Variants in FXR1 observed in about 807,000 individuals in gnomAD.
The protein encoded by FXR1 is RNA-binding protein FXR1.
In FXR1, 15 loss-of-function variants were observed where a neutral mutation model predicts 84.0. The ratio of observed to expected loss-of-function variants is 0.18; its 90% CI spans 0.12 to 0.27. The LOEUF (loss-of-function observed/expected upper bound fraction) is 0.27, where lower values mean the gene tolerates loss of function less well. Among genes scored for constraint, FXR1 ranks in the 10% least tolerant of loss-of-function variants. The pLI is 1.00. For missense variants in FXR1, 480 were observed against 774.4 expected (o/e 0.62, Z 4.51); for synonymous variants, 245 against 250.7 (o/e 0.98, Z 0.21).
At chr3:180,959,660 C>A (rs1711836047) in intron 10 of FXR1, among the ~76,000 whole-genome samples, 2 of 149,218 alleles carry the variant, frequency 1.3e-5, no homozygotes, top group Admixed American at 1.3e-4. Flanking sequence ...CCTTTTTATT[C>A]ACTTTGAATG....
At chr3:180,963,124 ATAG>A (rs1712348521) in intron 13 of FXR1, 34 bp downstream of exon 13, 2 of 782,988 alleles carry the variant, frequency 2.6e-6, no homozygotes, top group South Asian at 3.1e-5. Flanking sequence ...TTTTTTGGTA[ATAG>A]TAATAATAGT....
intron 15 of FXR1, chr3:180,971,504 C>A (rs1483127281): frequency 6.6e-6 from 1 of 152,484 alleles, no homozygotes; most frequent in Non-Finnish European, 1.5e-5. Context: ...GGTTGATTGG[C>A]AAAACTGGGC....
chr3:180,964,064 A>G (rs976978803), intron 13 of FXR1, among the ~76,000 whole-genome samples: 1 of 152,172 alleles, frequency 6.6e-6, no homozygotes, highest in African/African-American at 2.4e-5. Context: ...ACTATCTTCA[A>G]TTTGTTGTAG....
At chr3:180,924,879 A>T (rs138168051) in intron 1 of FXR1, among the ~76,000 whole-genome samples, 39 of 152,364 alleles carry the variant, frequency 2.6e-4, no homozygotes, top group Middle Eastern at 6.8e-3. Context: ...ATTAATCTGA[A>T]CAATGGTTGT....
intron 1 of FXR1, among the ~76,000 whole-genome samples, chr3:180,928,419 CTTATT>C (rs1055413412): frequency 8.9e-6 from 1 of 111,826 alleles, no homozygotes; most frequent in Non-Finnish European, 1.7e-5. Context: ...TTGAGATAGG[CTTATT>C]TTATTAGGTC....
intron 1 of FXR1, among the ~76,000 whole-genome samples, chr3:180,922,070 A>G (rs938019412): frequency 2.0e-5 from 3 of 152,236 alleles, no homozygotes; most frequent in Non-Finnish European, 4.4e-5. Context: ...AGGTTATATA[A>G]TCATAACAAT....
At chr3:180,973,868 G>A (rs1228396135) in intron 15 of FXR1, among the ~76,000 whole-genome samples, 2 of 152,098 alleles carry the variant, frequency 1.3e-5, no homozygotes, top group Non-Finnish European at 2.9e-5. Flanking sequence ...TAAGAAACGT[G>A]AATTGTAAAT....
chr3:180,946,969 A>G (rs1721761746), intron 3 of FXR1, among the ~76,000 whole-genome samples: 1 of 152,210 alleles, frequency 6.6e-6, no homozygotes, highest in Admixed American at 6.5e-5. Context: ...TCTAATCCCA[A>G]GTGAAAGCTT....
At position 180,976,833 on chromosome 3, in the gene FXR1, A is replaced by G. The variant is rs1020010656; in HGVS notation, c.*541A>G. The G allele has an allele frequency of 1.2e-4, 19 of 152,618 alleles. No homozygotes were observed. The highest frequency in any genetic ancestry group is 4.6e-4 in the African/African-American group (19 of 41,434). 9.5% of individuals were successfully genotyped at this position (152,618 alleles called of 1,614,324 possible). A position where few individuals can be genotyped will look rare whatever the true frequency, so the allele number is the denominator to read the frequency against. On this transcript the variant is annotated 3_prime_UTR_variant, in exon 17 of 17. Coordinates refer to ENST00000357559, the MANE Select transcript of FXR1 (RefSeq NM_005087.4). ...GCAGACCACTGGAATACATTTGTTA[A>G]ACTCTCATCTGCAGGGACACTGGGC...
intron 13 of FXR1, among the ~76,000 whole-genome samples, chr3:180,964,600 A>C (rs1712559136): frequency 6.6e-6 from 1 of 151,286 alleles, no homozygotes; most frequent in African/African-American, 2.4e-5. Context: ...GGGCTTGGAA[A>C]AGCAAGAAAA....
chr3:180,968,336 C>A, intron 14 of FXR1, 82 bp downstream of exon 14: 1 of 926,258 alleles, frequency 1.1e-6, no homozygotes, highest in African/African-American at 1.6e-5. Context: ...CCCAGGGCCA[C>A]CCATTTTTGG....
chr3:180,938,091 A>G (rs1002356522), intron 3 of FXR1, among the ~76,000 whole-genome samples: 7 of 152,174 alleles, frequency 4.6e-5, no homozygotes, highest in Non-Finnish European at 7.4e-5. Flanking sequence ...AACCACCTCA[A>G]AATTATTTGG....
intron 10 of FXR1, among the ~76,000 whole-genome samples, chr3:180,958,554 G>T (rs1162339184): frequency 1.3e-5 from 2 of 152,102 alleles, no homozygotes; most frequent in African/African-American, 4.8e-5. Context: ...TGCTGCAAAA[G>T]ACATTATTTT....
At chr3:180,941,035 A>G (rs769188047) in intron 3 of FXR1, among the ~76,000 whole-genome samples, 5 of 152,116 alleles carry the variant, frequency 3.3e-5, no homozygotes, top group Non-Finnish European at 7.4e-5. Flanking sequence ...TTTTCTAGTC[A>G]TATGGCGGAT....
intron 1 of FXR1, among the ~76,000 whole-genome samples, chr3:180,931,679 C>CT (rs1223076775): frequency 6.7e-6 from 1 of 149,998 alleles, no homozygotes; most frequent in African/African-American, 2.5e-5. Context: ...ATTTTATAGT[C>CT]TTAATTTGCT....
intron 7 of FXR1, among the ~76,000 whole-genome samples, chr3:180,950,572 A>G (rs915393860): frequency 1.4e-4 from 21 of 152,170 alleles, no homozygotes; most frequent in Admixed American, 1.2e-3. Flanking sequence ...TGTTTACATT[A>G]TTGATCAATC....
At chr3:180,934,004 C>CT (rs1162648677) in intron 2 of FXR1, among the ~76,000 whole-genome samples, 1 of 152,060 alleles carries the variant, frequency 6.6e-6, no homozygotes, top group Non-Finnish European at 1.5e-5. Flanking sequence ...ATTCCAGCTA[C>CT]TTAGGAGACT....
rs185224725 is a variant in FXR1 at position 180,947,798 on chromosome 3, A to G, written c.199-67A>G. 9 of 768,036 alleles carry G rather than the reference A, an allele frequency of 1.2e-5. No homozygotes were observed. The East Asian group carries it at 2.4e-4, about 21-fold the overall frequency. 47.6% of individuals were successfully genotyped at this position (768,036 alleles called of 1,614,324 possible). On this transcript the variant is annotated intron_variant, in intron 3 of 16. Coordinates refer to ENST00000357559, the MANE Select transcript of FXR1 (RefSeq NM_005087.4). ...AAGTTTATTGGGATTGGGTATTAAT[A>G]AAAAGTCATTTACAGCATTGAAATC...
At chr3:180,961,705 C>A in intron 11 of FXR1, 151 bp downstream of exon 11, 1 of 489,550 alleles carries the variant, frequency 2.0e-6, no homozygotes, top group Non-Finnish European at 3.6e-6. Flanking sequence ...GTTAATTCAG[C>A]TTCAGATTTG....
Sources: allele counts gnomAD v4.1 joint callset (sites outside exome capture counted in the v4.1 genomes callset), GRCh38; gene constraint gnomAD v4.1.1; transcripts MANE v1.5; gene names NCBI Gene and HGNC (gene_info 2026-07-23, HGNC 2026-07-21).